Variants in CACNA1H observed in about 807,000 individuals in gnomAD.
CACNA1H encodes voltage-dependent T-type calcium channel subunit alpha-1H.
In CACNA1H, 149 loss-of-function variants were observed where a neutral mutation model predicts 192.5. The ratio of observed to expected loss-of-function variants is 0.77; its 90% CI spans 0.68 to 0.89. The LOEUF is 0.89. Ranked by LOEUF, CACNA1H falls within the 40% of genes least tolerant of loss-of-function variation. The pLI is 0.00. For missense variants in CACNA1H, 4,257 were observed against 3,423.5 expected (o/e 1.24, Z -6.08); for synonymous variants, 2,202 against 1,475.2 (o/e 1.49, Z -11.29).
At chr16:1,200,155 G>A (rs538007606) in intron 6 of CACNA1H, 101 bp from the exon 7 acceptor site, 9 of 948,294 alleles carry the variant, frequency 9.5e-6, no homozygotes, top group East Asian at 8.6e-5. Flanking sequence ...CCCTGATCAC[G>A]TCCCTGACCT....
chr16:1,219,914 C>G, intron 34 of CACNA1H, 67 bp from the exon 35 acceptor site: 2 of 1,204,710 alleles, frequency 1.7e-6, no homozygotes, highest in Admixed American at 4.2e-5. Context: ...GAGGGGTCTC[C>G]GAGCCCTGGC....
intron 12 of CACNA1H, chr16:1,206,667 A>T (rs1335651492): frequency 2.4e-6 from 1 of 423,744 alleles, no homozygotes; most frequent in Admixed American, 3.9e-5. Context: ...CTAGGCAGCC[A>T]GGCAGGCCGG....
chr16:1,214,292 C>T (rs1010271049), intron 27 of CACNA1H, among the ~76,000 whole-genome samples: 15 of 152,238 alleles, frequency 9.9e-5, no homozygotes, highest in Admixed American at 2.6e-4. Context: ...GCATCCTCTC[C>T]TTTCCTCAGC....
At chr16:1,216,877 G>T in intron 30 of CACNA1H, 55 bp from the exon 31 acceptor site, 1 of 1,430,710 alleles carries the variant, frequency 7.0e-7, no homozygotes, top group East Asian at 2.4e-5. Context: ...CTGCAGGGTG[G>T]GCTGAGGCCT....
intron 2 of CACNA1H, among the ~76,000 whole-genome samples, chr16:1,155,307 C>G (rs933678631): frequency 6.6e-6 from 1 of 152,206 alleles, no homozygotes; most frequent in Non-Finnish European, 1.5e-5. Flanking sequence ...GCCTCTGTAG[C>G]CTCAGGGTGG....
intron 4 of CACNA1H, 71 bp downstream of exon 4, chr16:1,195,636 C>G (rs1273310655): frequency 5.4e-6 from 8 of 1,479,754 alleles, no homozygotes; most frequent in Non-Finnish European, 2.8e-6. Context: ...ATCCCTGTGT[C>G]CCACCTGTAA....
chr16:1,161,635 C>T (rs1185689789), intron 2 of CACNA1H, among the ~76,000 whole-genome samples: 1 of 152,226 alleles, frequency 6.6e-6, no homozygotes, highest in Non-Finnish European at 1.5e-5. Context: ...TGTCACACCA[C>T]TTTGGTCTGT....
chr16:1,185,612 C>T lies in CACNA1H; in HGVS notation c.300-9360C>T, dbSNP rs1251411713. 2.3e-3 allele frequency among the ~76,000 whole-genome samples: 227 copies of T among 96,650 alleles called. 2 individuals are homozygous for T. The highest frequency in any genetic ancestry group is 3.1e-3 in the Non-Finnish European group (151 of 49,120). The allele number at this position is 96,650 out of a possible 152,430, so 63.4% of individuals were successfully genotyped here. ...GTAGACGGTCAGCGTGCGTAGGGGCCGGAGGCGGGGTACGTGGGGGGCGGG... is the reference window on the plus strand; with the variant it reads ...GTAGACGGTCAGCGTGCGTAGGGGCTGGAGGCGGGGTACGTGGGGGGCGGG... On this transcript the variant is annotated intron_variant, in intron 2 of 34. Coordinates refer to ENST00000348261, the MANE Select transcript of CACNA1H (RefSeq NM_021098.3).
At position 1,211,963 on chromosome 16, in the gene CACNA1H, C is replaced by T. The variant is rs200542719; in HGVS notation, c.4584C>T (p.Asn1528=). ...GVDQQPVQNH[N]PWMLLYFISF... Reference sequence around the variant, plus strand: ...TGCCACAGCCTGTGCAGAACCACAACCCCTGGATGCTGCTGTACTTCATCT... The same window carrying T: ...TGCCACAGCCTGTGCAGAACCACAATCCCTGGATGCTGCTGTACTTCATCT... The change falls in exon 25 of 35, where the codon AAC becomes AAT. Residue 1528 remains asparagine, a synonymous_variant. Transcript: ENST00000348261. The T allele has an allele frequency of 1.2e-4, 194 of 1,613,458 alleles. No homozygotes were observed. In the African/African-American group the frequency reaches 2.3e-3, roughly 19 times the overall value.
intron 32 of CACNA1H, 72 bp downstream of exon 32, chr16:1,218,112 G>T: frequency 1.3e-6 from 2 of 1,550,492 alleles, no homozygotes; most frequent in Non-Finnish European, 1.7e-6. Flanking sequence ...GGAACGGGTC[G>T]GATCCGTCCT....
In CACNA1H at chr16:1,191,452, TTG is replaced by T. The variant is rs766790025; in HGVS notation, c.300-3519_300-3518del. The stretch of plus-strand genomic sequence containing the variant: ...TGTGGCCTCAGGCACACTCAGGGTT[TTG>T]GTGACCCAGCAGGCTGGCCTGGCTG... On this transcript the variant is annotated intron_variant, in intron 2 of 34. Coordinates refer to ENST00000348261, the MANE Select transcript of CACNA1H (RefSeq NM_021098.3). 3.2e-3 allele frequency among the ~76,000 whole-genome samples: 204 copies of T among 64,710 alleles called. 21 individuals carry two copies. The highest frequency in any genetic ancestry group is 3.9e-3 in the Non-Finnish European group (130 of 33,436). The allele number at this position is 64,710 out of a possible 152,430, so 42.5% of individuals were successfully genotyped here.
chr16:1,191,608 CGG>C (rs1455310929), intron 2 of CACNA1H, among the ~76,000 whole-genome samples: 1 of 33,538 alleles, frequency 3.0e-5, no homozygotes, highest in African/African-American at 1.3e-4. Flanking sequence ...CTCGGGGTTT[CGG>C]TGACCCAGCA....
At position 1,220,351 on chromosome 16, in the gene CACNA1H, C is replaced by T; in HGVS notation, c.6419C>T (p.Ala2140Val). ...RDLRRLYSVD[A>V]QGFLDKPGRA... ...CTGCGCAGGCTCTACAGCGTGGATG[C>T]TCAGGGCTTCCTGGACAAGCCGGGC... Residue 2140 changes from alanine to valine, a missense_variant, in exon 35 of 35, where the codon GCT (alanine) becomes GTT (valine). Transcript: ENST00000348261. The T allele has an allele frequency of 8.5e-6, 13 of 1,527,416 alleles. No homozygotes were observed. The highest frequency in any genetic ancestry group is 1.1e-5 in the Non-Finnish European group (13 of 1,145,824). 94.6% of individuals were successfully genotyped at this position (1,527,416 alleles called of 1,614,324 possible).
chr16:1,214,690 G>A (rs868278364), intron 27 of CACNA1H, among the ~76,000 whole-genome samples: 12 of 152,310 alleles, frequency 7.9e-5, no homozygotes, highest in Middle Eastern at 6.8e-3. Context: ...ATGGGCTGGG[G>A]GCTCAGGGTG....
At chr16:1,168,529 G>A (rs1240536132) in intron 2 of CACNA1H, among the ~76,000 whole-genome samples, 4 of 151,980 alleles carry the variant, frequency 2.6e-5, no homozygotes, top group Non-Finnish European at 5.9e-5. Context: ...CTGGGGAGAT[G>A]CACCCTGGAG....
At chr16:1,200,132 C>G (rs931704370) in intron 6 of CACNA1H, 124 bp from the exon 7 acceptor site, 3 of 766,270 alleles carry the variant, frequency 3.9e-6, no homozygotes, top group African/African-American at 3.5e-5. Flanking sequence ...CATGATTAGT[C>G]CACTGGCCCT....
Position 1,201,972 on chromosome 16 carries a change from G to A in CACNA1H, c.1522G>A (p.Gly508Ser). 1.3e-6 allele frequency: 2 copies of A among 1,543,882 alleles called. No individual in the cohort carries two copies. The highest frequency in any genetic ancestry group is 2.4e-5 in the South Asian group (2 of 83,938). The part of the protein sequence containing the change: ...QGPGHRQRRA[G>S]RHTASVHHLV... ...TCCCGGGCACCGCCAGCGCCGGGCA[G>A]GCAGGCACACAGCCTCGGTGCACCA... The change falls in exon 9 of 35, where the codon GGC (glycine) becomes AGC (serine). Residue 508 changes from glycine (G) to serine (S), a missense_variant. Physicochemically the swap from Gly to Ser is moderately conservative, Grantham distance 56 (BLOSUM62 0). Coordinates refer to ENST00000348261, the MANE Select transcript of CACNA1H (RefSeq NM_021098.3).
chr16:1,174,178 C>T (rs541402587), intron 2 of CACNA1H, among the ~76,000 whole-genome samples: 3 of 152,308 alleles, frequency 2.0e-5, no homozygotes, highest in African/African-American at 7.2e-5. Context: ...CAAGGAAGGG[C>T]AGAGGTCCTG....
chr16:1,202,648 A>T (rs144832657), intron 9 of CACNA1H, among the ~76,000 whole-genome samples, 196 bp downstream of exon 9: 84 of 152,236 alleles, frequency 5.5e-4, no homozygotes, highest in African/African-American at 1.8e-3. Context: ...GCGCCAAAGC[A>T]AGCTCCCGGT....
Sources: allele counts gnomAD v4.1 joint callset (sites outside exome capture counted in the v4.1 genomes callset), GRCh38; gene constraint gnomAD v4.1.1; transcripts MANE v1.5; gene names NCBI Gene and HGNC (gene_info 2026-07-23, HGNC 2026-07-21).